PDE4D: variants seen among roughly 807,000 people sequenced by gnomAD.
PDE4D encodes phosphodiesterase 4D.
In PDE4D, 24 loss-of-function variants were observed where a neutral mutation model predicts 87.4. The ratio of observed to expected loss-of-function variants is 0.27; its 90% CI spans 0.20 to 0.39. The LOEUF (loss-of-function observed/expected upper bound fraction) is 0.39, where lower values mean the gene tolerates loss of function less well. Ranked by LOEUF, PDE4D falls within the 10% of genes least tolerant of loss-of-function variation. The probability of loss-of-function intolerance (pLI) is 1.00; values close to 1 mark genes in which losing one functional copy is unlikely to be tolerated. For synonymous variants in PDE4D, 384 were observed against 383.2 expected, an observed-to-expected ratio of 1.00 and a Z score of -0.02; for missense variants, 714 against 1,041.0, an observed-to-expected ratio of 0.69 and a Z score of 4.32.
intron 1 of PDE4D, among the ~76,000 whole-genome samples, chr5:59,299,641 T>C (rs994824615): frequency 6.6e-6 from 1 of 152,192 alleles, no homozygotes; most frequent in Non-Finnish European, 1.5e-5. Context: ...TTGTCTGTTT[T>C]TGGTAAATAT....
intron 2 of PDE4D, among the ~76,000 whole-genome samples, chr5:59,206,407 G>GA (rs1287764297): frequency 6.6e-6 from 1 of 152,164 alleles, no homozygotes; most frequent in Non-Finnish European, 1.5e-5. Context: ...CTTATCTCAA[G>GA]AAACACATCA....
intron 1 of PDE4D, among the ~76,000 whole-genome samples, chr5:60,440,662 T>A (rs569855890): frequency 4.6e-5 from 7 of 152,194 alleles, no homozygotes; most frequent in Non-Finnish European, 1.0e-4. Flanking sequence ...GCACAATGTG[T>A]TTAGAAATAG....
At chr5:59,506,174 T>C (rs2153666516) in intron 1 of PDE4D, among the ~76,000 whole-genome samples, 1 of 152,280 alleles carries the variant, frequency 6.6e-6, no homozygotes, top group East Asian at 1.9e-4. Flanking sequence ...TAAATTAATA[T>C]AAATGGTTTC....
At chr5:59,174,891 C>T (rs542999685) in intron 5 of PDE4D, among the ~76,000 whole-genome samples, 50 of 152,184 alleles carry the variant, frequency 3.3e-4, no homozygotes, top group South Asian at 1.4e-3. Flanking sequence ...TATTTAAATA[C>T]GTTTTCTTTA....
intron 2 of PDE4D, among the ~76,000 whole-genome samples, chr5:60,058,564 C>T (rs536263697): frequency 1.3e-5 from 2 of 151,968 alleles, no homozygotes; most frequent in East Asian, 1.9e-4. Context: ...TCTACTTTTA[C>T]CTTGTCTCCT....
intron 1 of PDE4D, among the ~76,000 whole-genome samples, chr5:59,420,689 G>GAAAA (rs55960957): frequency 8.2e-6 from 1 of 122,010 alleles, no homozygotes; most frequent in Non-Finnish European, 1.7e-5. Context: ...TACTGCACAA[G>GAAAA]AAAAAAAAAA....
chr5:60,152,263 C>T (rs139509653), intron 2 of PDE4D, among the ~76,000 whole-genome samples: 54 of 152,140 alleles, frequency 3.5e-4, no homozygotes, highest in African/African-American at 1.2e-3. Flanking sequence ...GTAACATTGG[C>T]CTTAAAATGA....
chr5:60,360,177 G>T (rs1360170304), intron 1 of PDE4D, among the ~76,000 whole-genome samples: 1 of 152,150 alleles, frequency 6.6e-6, no homozygotes, highest in African/African-American at 2.4e-5. Flanking sequence ...AGGTGGGATT[G>T]CTCACACAAA....
At chr5:60,127,650 C>G in intron 2 of PDE4D, 1 of 593,310 alleles carries the variant, frequency 1.7e-6, no homozygotes, top group Non-Finnish European at 3.0e-6. Flanking sequence ...TTTTAAGGGC[C>G]ACAAGAGAAA....
chr5:60,206,696 T>G (rs1742570956), intron 1 of PDE4D, among the ~76,000 whole-genome samples: 1 of 152,244 alleles, frequency 6.6e-6, no homozygotes, highest in South Asian at 2.1e-4. Flanking sequence ...AAACCACATT[T>G]TACTATCTAT....
At chr5:59,472,111 C>A (rs917610010) in intron 1 of PDE4D, among the ~76,000 whole-genome samples, 8 of 152,104 alleles carry the variant, frequency 5.3e-5, no homozygotes, top group African/African-American at 1.9e-4. Flanking sequence ...TCTGCTATTA[C>A]TACATACGGT....
At chr5:59,214,032 TCACACACACACACACACACA>T (rs199738839) in intron 2 of PDE4D, among the ~76,000 whole-genome samples, 3 of 132,668 alleles carry the variant, frequency 2.3e-5, no homozygotes, top group Admixed American at 7.7e-5. Flanking sequence ...CATACATACT[TCACACACACACACACACACA>T]CACACACACA....
chr5:59,601,200 G>A (rs922176491), intron 1 of PDE4D, among the ~76,000 whole-genome samples: 8 of 152,144 alleles, frequency 5.3e-5, no homozygotes, highest in African/African-American at 1.9e-4. Context: ...GAGCTAATTT[G>A]TAACGTACCA....
chr5:59,382,559 T>G (rs1054009192), intron 1 of PDE4D, among the ~76,000 whole-genome samples: 9 of 152,318 alleles, frequency 5.9e-5, no homozygotes, highest in African/African-American at 2.2e-4. Context: ...TTGGTTCTTA[T>G]AGATACCAAC....
At chr5:59,918,688 C>T (rs1754338290) in intron 3 of PDE4D, among the ~76,000 whole-genome samples, 1 of 152,178 alleles carries the variant, frequency 6.6e-6, no homozygotes, top group African/African-American at 2.4e-5. Flanking sequence ...GCTAATGTAA[C>T]CTCTGATACG....
At chr5:59,760,580 C>T (rs1171920908) in intron 1 of PDE4D, among the ~76,000 whole-genome samples, 2 of 152,094 alleles carry the variant, frequency 1.3e-5, no homozygotes, top group Non-Finnish European at 2.9e-5. Flanking sequence ...ATGTTTTCAT[C>T]TAGTCCTTAA....
At chr5:59,216,031 G>T in intron 1 of PDE4D, 63 bp from the exon 2 acceptor site, 2 of 1,231,000 alleles carry the variant, frequency 1.6e-6, no homozygotes, top group Non-Finnish European at 2.3e-6. Context: ...TTTTCAAAAA[G>T]CATTTAGCGT....
intron 1 of PDE4D, among the ~76,000 whole-genome samples, chr5:59,864,695 T>C (rs939984936): frequency 3.3e-5 from 5 of 152,082 alleles, no homozygotes; most frequent in Non-Finnish European, 5.9e-5. Context: ...TGTAGCTCTA[T>C]GGAAATAACA....
At chr5:59,606,301 C>T (rs1338614456) in intron 1 of PDE4D, among the ~76,000 whole-genome samples, 3 of 152,138 alleles carry the variant, frequency 2.0e-5, no homozygotes, top group African/African-American at 7.2e-5. Context: ...CTTTCTTCCA[C>T]ATACCATTTA....
Sources: allele counts gnomAD v4.1 joint callset (sites outside exome capture counted in the v4.1 genomes callset), GRCh38; gene constraint gnomAD v4.1.1; transcripts MANE v1.5; gene names NCBI Gene and HGNC (gene_info 2026-07-23, HGNC 2026-07-21).